The following PLEKHH2 variants were observed in gnomAD, a reference collection of about 807,000 sequenced individuals.
PLEKHH2 encodes pleckstrin homology, MyTH4 and FERM domain containing H2, also known as pleckstrin homology domain-containing family H member 2.
PLEKHH2 carries 129 observed loss-of-function variants against 187.9 expected under a neutral mutation model. The observed-to-expected ratio is 0.69, with a 90% CI of 0.59 to 0.79. The LOEUF (loss-of-function observed/expected upper bound fraction) is 0.79. PLEKHH2 is among the 30% of genes least tolerant of loss of function. PLEKHH2 has a pLI of 0.00. For synonymous variants in PLEKHH2, 686 were observed against 605.6 expected, an observed-to-expected ratio of 1.13 and a Z score of -1.95; for missense variants, 2,076 against 1,751.2, an observed-to-expected ratio of 1.19 and a Z score of -3.31.
At chr2:43,642,414 A>G (rs1338274472) in intron 1 of PLEKHH2, among the ~76,000 whole-genome samples, 1 of 152,142 alleles carries the variant, frequency 6.6e-6, no homozygotes, top group Non-Finnish European at 1.5e-5. Flanking sequence ...ATCTGTAAGT[A>G]GAGATAGTTT....
At chr2:43,719,684 C>T (rs1005883990) in intron 15 of PLEKHH2, among the ~76,000 whole-genome samples, 1 of 152,252 alleles carries the variant, frequency 6.6e-6, no homozygotes, top group Non-Finnish European at 1.5e-5. Context: ...AGGTGATCCA[C>T]CGCCTCGGCC....
intron 19 of PLEKHH2, among the ~76,000 whole-genome samples, chr2:43,733,911 T>C (rs952815327): frequency 5.3e-5 from 8 of 152,184 alleles, no homozygotes; most frequent in African/African-American, 1.9e-4. Flanking sequence ...CAAGTATATT[T>C]GAAAATCTAG....
intron 2 of PLEKHH2, chr2:43,675,279 A>C (rs1667687117): frequency 1.4e-6 from 1 of 700,672 alleles, no homozygotes; most frequent in African/African-American, 1.8e-5. Context: ...TGAATTATTG[A>C]ATGAAGTACG....
At chr2:43,665,796 G>A (rs1408440180) in intron 2 of PLEKHH2, among the ~76,000 whole-genome samples, 1 of 135,654 alleles carries the variant, frequency 7.4e-6, no homozygotes, top group African/African-American at 3.0e-5. Context: ...CGGGGTCAGG[G>A]GTCAGGGACC....
At position 43,738,478 on chromosome 2, in the gene PLEKHH2, G is replaced by A; in HGVS notation, c.3081G>A (p.Gln1027=). ...AAATTTGCTGTCAGCTTATTAAACAGACAAGACGAAGACAGCCACAGAATC... is the reference window on the plus strand; with the variant it reads ...AAATTTGCTGTCAGCTTATTAAACAAACAAGACGAAGACAGCCACAGAATC... ...QNEICCQLIK[Q]TRRRQPQNQP... is the part of the protein sequence containing the mutation. Residue 1027 remains glutamine, a synonymous_variant, in exon 20 of 30, where the codon CAG becomes CAA. Transcript: ENST00000282406. 6.2e-7 allele frequency: 1 copy of A among 1,613,666 alleles called. No homozygotes were observed. Among genetic ancestry groups the A allele is most frequent in the Non-Finnish European group, 8.5e-7 (1 of 1,179,750 alleles).
chr2:43,750,156 CA>C (rs1056896130), intron 24 of PLEKHH2, among the ~76,000 whole-genome samples: 10 of 151,906 alleles, frequency 6.6e-5, no homozygotes, highest in South Asian at 2.1e-4. Flanking sequence ...ATGTTCACAC[CA>C]AAAAAAATTC....
chr2:43,710,535 C>G lies in PLEKHH2; in HGVS notation c.2261C>G (p.Ser754Cys). 1 of 1,597,088 alleles carries G rather than the reference C, an allele frequency of 6.3e-7. No individual in the cohort carries two copies. The highest frequency in any genetic ancestry group is 1.2e-5 in the South Asian group (1 of 85,656). ...KPQGHIELSASCSILRGDNKQ... is the reference protein window; with the variant it reads ...KPQGHIELSACCSILRGDNKQ... ...CAGGGCCATATTGAACTTAGTGCATCCTGTAGTATTTTAAGAGGAGATAAC... is the reference window on the plus strand; with the variant it reads ...CAGGGCCATATTGAACTTAGTGCATGCTGTAGTATTTTAAGAGGAGATAAC... Residue 754 changes from serine (S) to cysteine (C), a missense_variant, in exon 14 of 30, where the codon TCC becomes TGC. Coordinates refer to ENST00000282406, the MANE Select transcript of PLEKHH2 (RefSeq NM_172069.4).
At chr2:43,731,441 C>A (rs1558581458) in intron 18 of PLEKHH2, 49 bp from the exon 19 acceptor site, 2 of 1,239,028 alleles carry the variant, frequency 1.6e-6, no homozygotes, top group African/African-American at 1.5e-5. Context: ...TAAGAGGCCA[C>A]AATAAGTGGT....
chr2:43,648,253 A>G (rs1666280603), intron 2 of PLEKHH2, among the ~76,000 whole-genome samples: 1 of 152,026 alleles, frequency 6.6e-6, no homozygotes, highest in Non-Finnish European at 1.5e-5. Context: ...CAGTGGCGCC[A>G]TCTCAGCTCA....
intron 24 of PLEKHH2, among the ~76,000 whole-genome samples, chr2:43,749,411 G>A (rs1346079741): frequency 2.0e-5 from 3 of 152,124 alleles, no homozygotes; most frequent in Non-Finnish European, 2.9e-5. Flanking sequence ...CGTAAAATGC[G>A]TAAAACCAAG....
intron 3 of PLEKHH2, among the ~76,000 whole-genome samples, chr2:43,690,986 A>G (rs1668764694): frequency 6.6e-6 from 1 of 152,260 alleles, no homozygotes; most frequent in South Asian, 2.1e-4. Context: ...CAAACACAAT[A>G]TGCAGATATG....
intron 23 of PLEKHH2, 29 bp from the exon 24 acceptor site, chr2:43,745,837 T>G: frequency 6.5e-7 from 1 of 1,530,424 alleles, no homozygotes; most frequent in Non-Finnish European, 9.0e-7. Flanking sequence ...AAAAGTACTG[T>G]AAATCTCAGT....
At chr2:43,708,070 A>C (rs540871343) in intron 11 of PLEKHH2, among the ~76,000 whole-genome samples, 19 of 152,348 alleles carry the variant, frequency 1.2e-4, no homozygotes, top group Middle Eastern at 3.4e-3. Flanking sequence ...CCCTTAATGC[A>C]GCATGGTGTG....
intron 2 of PLEKHH2, among the ~76,000 whole-genome samples, chr2:43,668,256 T>C (rs1667321368): frequency 6.6e-6 from 1 of 152,196 alleles, no homozygotes; most frequent in Non-Finnish European, 1.5e-5. Context: ...GGTCTCGAAT[T>C]CCTGACCTCA....
chr2:43,646,631 G>A (rs1466433767), intron 2 of PLEKHH2, among the ~76,000 whole-genome samples: 1 of 152,074 alleles, frequency 6.6e-6, no homozygotes, highest in Admixed American at 6.6e-5. Flanking sequence ...CTCAATGAGT[G>A]CCCATTTTAA....
intron 6 of PLEKHH2, 78 bp from the exon 7 acceptor site, chr2:43,697,092 GT>G: frequency 8.0e-7 from 1 of 1,242,958 alleles, no homozygotes; most frequent in Non-Finnish European, 1.1e-6. Context: ...ATTTGTTCAA[GT>G]TTTTATATGC....
chr2:43,744,187 C>T (rs140298484), intron 23 of PLEKHH2, 198 bp downstream of exon 23: 2 of 1,173,656 alleles, frequency 1.7e-6, no homozygotes, highest in African/African-American at 1.5e-5. Flanking sequence ...TCTACATATA[C>T]ACATTCCATA....
Position 43,670,249 on chromosome 2 carries a change from G to A in PLEKHH2, c.124-8614G>A, listed in dbSNP as rs184060740. Reference sequence around the variant, plus strand: ...TGGACTACCATGTTTCAGATATCAAGGAAAGCACATATGATCCAAGGACTT... The same window carrying A: ...TGGACTACCATGTTTCAGATATCAAAGAAAGCACATATGATCCAAGGACTT... On this transcript the variant is annotated intron_variant, in intron 2 of 29. Coordinates refer to ENST00000282406, the MANE Select transcript of PLEKHH2 (RefSeq NM_172069.4). Among the ~76,000 whole-genome samples the A allele has an allele frequency of 4.6e-4, 70 of 152,242 alleles. 1 individual carries two copies. The East Asian group carries it at 0.012, about 27-fold the overall frequency.
chr2:43,765,348 TTACTC>T (rs1672579953), intron 29 of PLEKHH2, 60 bp from the exon 30 acceptor site: 5 of 1,516,054 alleles, frequency 3.3e-6, no homozygotes, highest in South Asian at 1.2e-5. Context: ...GGCCAACACT[TTACTC>T]TCTTCTGGAA....
Sources: allele counts gnomAD v4.1 joint callset (sites outside exome capture counted in the v4.1 genomes callset), GRCh38; gene constraint gnomAD v4.1.1; transcripts MANE v1.5; gene names NCBI Gene and HGNC (gene_info 2026-07-23, HGNC 2026-07-21).